The following CNTN5 variants were observed in gnomAD, a reference collection of about 807,000 sequenced individuals.
CNTN5 encodes the protein contactin 5, also known as contactin-5.
In CNTN5, 77 loss-of-function variants were observed where a neutral mutation model predicts 129.1. The observed-to-expected ratio is 0.60, with a 90% CI of 0.50 to 0.72. The LOEUF is 0.72. Ranked by LOEUF, CNTN5 falls within the 30% of genes least tolerant of loss-of-function variation. CNTN5 has a pLI of 0.00. For synonymous variants in CNTN5, 509 were observed against 465.6 expected, an observed-to-expected ratio of 1.09 and a Z score of -1.20; for missense variants, 1,478 against 1,328.8, an observed-to-expected ratio of 1.11 and a Z score of -1.75.
At chr11:99,915,169 ACTC>A (rs1949755521) in intron 6 of CNTN5, among the ~76,000 whole-genome samples, 1 of 152,018 alleles carries the variant, frequency 6.6e-6, no homozygotes, top group Non-Finnish European at 1.5e-5. Flanking sequence ...AAAATATTGA[ACTC>A]CTACCATTTG....
At chr11:99,595,627 G>T (rs551581153) in intron 3 of CNTN5, among the ~76,000 whole-genome samples, 4 of 152,200 alleles carry the variant, frequency 2.6e-5, no homozygotes, top group African/African-American at 7.2e-5. Context: ...CACAGTTTAT[G>T]TATGAATTAC....
rs185741887 is a variant in CNTN5 at position 99,573,636 on chromosome 11, A to C, written c.55+17367A>C. Among the ~76,000 whole-genome samples the C allele has an allele frequency of 2.6e-5, 4 of 151,278 alleles. No homozygotes were observed. The East Asian group carries it at 8.0e-4, about 30-fold the overall frequency. On this transcript the variant is annotated intron_variant, in intron 3 of 24. Transcript: ENST00000524871. ...GTTCCTAATAAGCTTCCAGGAATGA[A>C]TTTTTTTCTATTGAGACGGAGTCTC...
intron 1 of CNTN5, among the ~76,000 whole-genome samples, chr11:99,264,085 A>G (rs371131673): frequency 1.1e-4 from 16 of 152,098 alleles, no homozygotes; most frequent in East Asian, 7.7e-4. Context: ...ACACACTTCA[A>G]TAAAAATACA....
At chr11:99,123,209 T>G (rs1245929393) in intron 1 of CNTN5, among the ~76,000 whole-genome samples, 5 of 145,466 alleles carry the variant, frequency 3.4e-5, no homozygotes, top group Non-Finnish European at 7.6e-5. Flanking sequence ...CATTAGCATG[T>G]TTTTTTTTTC....
At chr11:99,855,657 C>G (rs1360096784) in intron 6 of CNTN5, among the ~76,000 whole-genome samples, 1 of 152,132 alleles carries the variant, frequency 6.6e-6, no homozygotes, top group East Asian at 1.9e-4. Flanking sequence ...ATGAATTTCT[C>G]CTTTCCAAGT....
chr11:99,859,444 G>C (rs903456697), intron 6 of CNTN5, among the ~76,000 whole-genome samples: 2 of 152,076 alleles, frequency 1.3e-5, no homozygotes, highest in African/African-American at 4.8e-5. Flanking sequence ...TTGGGTTACG[G>C]GTGGTCCCAT....
intron 18 of CNTN5, among the ~76,000 whole-genome samples, chr11:100,297,191 A>C (rs2138881962): frequency 6.6e-6 from 1 of 151,608 alleles, no homozygotes; most frequent in Non-Finnish European, 1.5e-5. Flanking sequence ...AAAGAAATGT[A>C]CTGAAGCTTC....
chr11:99,941,571 A>AACACACACACACACACACACACAC (rs71305315), intron 7 of CNTN5, among the ~76,000 whole-genome samples: 25,301 of 147,946 alleles, frequency 0.17, 2,604 homozygotes, highest in South Asian at 0.27. Flanking sequence ...ACATAAGACA[A>AACACACACACACACACACACACAC]ACACACACAC....
chr11:100,358,408 G>A lies in CNTN5; in HGVS notation c.*2188G>A, dbSNP rs1952572543. ...GTATTCTTACAGGAATCAGAGATAT[G>A]GAATGTTTTTACTTAACATACACAG... On this transcript the variant is annotated 3_prime_UTR_variant, in exon 25 of 25. Coordinates refer to ENST00000524871, the MANE Select transcript of CNTN5 (RefSeq NM_014361.4). 1 of 151,814 alleles carries A rather than the reference G, an allele frequency of 6.6e-6. No homozygotes were observed. Among genetic ancestry groups the A allele is most frequent in the Non-Finnish European group, 1.5e-5 (1 of 67,820 alleles). 9.4% of individuals were successfully genotyped at this position (151,814 alleles called of 1,614,324 possible). A position where few individuals can be genotyped will look rare whatever the true frequency, so the allele number is the denominator to read the frequency against.
chr11:99,598,815 A>G (rs981996108), intron 3 of CNTN5, among the ~76,000 whole-genome samples: 2 of 151,968 alleles, frequency 1.3e-5, no homozygotes, highest in Admixed American at 6.6e-5. Context: ...AGTAGGGAAT[A>G]ATTTATATTT....
chr11:100,319,428 C>T (rs191555457), intron 21 of CNTN5, among the ~76,000 whole-genome samples: 8 of 152,298 alleles, frequency 5.3e-5, no homozygotes, highest in African/African-American at 1.9e-4. Context: ...GCTGGGATTA[C>T]AGGCATGAGC....
intron 1 of CNTN5, among the ~76,000 whole-genome samples, chr11:99,267,938 A>G (rs1001457638): frequency 4.0e-5 from 6 of 151,196 alleles, no homozygotes; most frequent in Admixed American, 2.0e-4. Context: ...ACACACACAC[A>G]CACACACACA....
intron 6 of CNTN5, among the ~76,000 whole-genome samples, chr11:99,878,347 A>G (rs949300893): frequency 7.2e-5 from 11 of 152,182 alleles, no homozygotes; most frequent in Non-Finnish European, 1.5e-4. Context: ...ACTTTGATGA[A>G]GGGAAAGCTA....
Position 100,071,767 on chromosome 11 carries a change from A to C in CNTN5, c.1362A>C (p.Gly454=). 1 of 1,604,988 alleles carries C rather than the reference A, an allele frequency of 6.2e-7. No homozygotes were observed. Among genetic ancestry groups the C allele is most frequent in the Non-Finnish European group, 8.5e-7 (1 of 1,175,024 alleles). ...ACAATGTGAATCAATCAGATGCTGGAATGTATCAGTGTTTGGCTGAAAATA... is the reference window on the plus strand; with the variant it reads ...ACAATGTGAATCAATCAGATGCTGGCATGTATCAGTGTTTGGCTGAAAATA... ...MIHNVNQSDA[G]MYQCLAENKY... is the part of the protein sequence containing the mutation. The change falls in exon 12 of 25, where the codon GGA becomes GGC. Residue 454 remains glycine (G), a synonymous_variant. Coordinates refer to ENST00000524871, the MANE Select transcript of CNTN5 (RefSeq NM_014361.4).
At chr11:100,231,819 G>C (rs892819838) in intron 16 of CNTN5, among the ~76,000 whole-genome samples, 2 of 152,142 alleles carry the variant, frequency 1.3e-5, no homozygotes. Flanking sequence ...ATCCAGATTT[G>C]AGCATTGTTC....
At chr11:99,384,043 C>G (rs767329148) in intron 2 of CNTN5, among the ~76,000 whole-genome samples, 9 of 152,334 alleles carry the variant, frequency 5.9e-5, no homozygotes, top group Middle Eastern at 3.4e-3. Context: ...TGAAACATTA[C>G]TAGTGCGTTG....
chr11:100,241,190 A>T (rs1949734850), intron 16 of CNTN5, among the ~76,000 whole-genome samples: 1 of 152,238 alleles, frequency 6.6e-6, no homozygotes, highest in South Asian at 2.1e-4. Flanking sequence ...AGTTTTAAAT[A>T]AACAAGTTAC....
intron 24 of CNTN5, among the ~76,000 whole-genome samples, chr11:100,354,635 T>G (rs1212176319): frequency 2.6e-5 from 4 of 151,706 alleles, no homozygotes; most frequent in African/African-American, 7.2e-5. Context: ...GAGGATAAGT[T>G]CTATTAAATG....
chr11:99,726,181 G>C (rs2135061027), intron 3 of CNTN5, among the ~76,000 whole-genome samples: 1 of 152,256 alleles, frequency 6.6e-6, no homozygotes, highest in East Asian at 1.9e-4. Context: ...AACTGAAGAG[G>C]AAACCTACAT....
Sources: allele counts gnomAD v4.1 joint callset (sites outside exome capture counted in the v4.1 genomes callset), GRCh38; gene constraint gnomAD v4.1.1; transcripts MANE v1.5; gene names NCBI Gene and HGNC (gene_info 2026-07-23, HGNC 2026-07-21).